RPS6KA2: variants seen among roughly 807,000 people sequenced by gnomAD.
RPS6KA2 encodes the protein ribosomal protein S6 kinase A2.
RPS6KA2 carries 42 observed loss-of-function variants against 91.8 expected under a neutral mutation model. The observed-to-expected ratio is 0.46, with a 90% confidence interval of 0.36 to 0.59. The LOEUF is 0.59. Ranked by LOEUF, RPS6KA2 falls within the 20% of genes least tolerant of loss-of-function variation. The pLI is 0.00. For missense variants in RPS6KA2, 798 were observed against 978.5 expected, an observed-to-expected ratio of 0.82 and a Z score of 2.46; for synonymous variants, 414 against 393.6, an observed-to-expected ratio of 1.05 and a Z score of -0.61.
At chr6:166,644,565 A>T (rs1787549963) in intron 2 of RPS6KA2, among the ~76,000 whole-genome samples, 1 of 152,236 alleles carries the variant, frequency 6.6e-6, no homozygotes, top group Non-Finnish European at 1.5e-5. Context: ...ATCTGACTTA[A>T]GTTGCGTGAA....
chr6:166,496,488 C>T (rs566941290), intron 8 of RPS6KA2, among the ~76,000 whole-genome samples: 3 of 152,138 alleles, frequency 2.0e-5, no homozygotes, highest in Admixed American at 6.5e-5. Context: ...CTCCCCCTGT[C>T]CCCCCAGAAA....
At chr6:166,558,253 G>A (rs1193930297) in intron 1 of RPS6KA2, among the ~76,000 whole-genome samples, 2 of 152,058 alleles carry the variant, frequency 1.3e-5, no homozygotes, top group Admixed American at 6.5e-5. Flanking sequence ...AAGAACTGAT[G>A]TTTTAGTTCA....
chr6:166,548,746 AG>A (rs1562572119), intron 1 of RPS6KA2, among the ~76,000 whole-genome samples: 1 of 152,242 alleles, frequency 6.6e-6, no homozygotes, highest in Non-Finnish European at 1.5e-5. Context: ...AAGAAAACAT[AG>A]GGGAAAATTG....
At chr6:166,829,733 C>T (rs1780135774) in intron 2 of RPS6KA2, among the ~76,000 whole-genome samples, 1 of 152,060 alleles carries the variant, frequency 6.6e-6, no homozygotes, top group African/African-American at 2.4e-5. Context: ...ATGGAAGCAA[C>T]CCAATGGTCC....
chr6:166,576,755 C>G (rs1784847289), intron 1 of RPS6KA2, among the ~76,000 whole-genome samples: 1 of 152,106 alleles, frequency 6.6e-6, no homozygotes, highest in Admixed American at 6.5e-5. Flanking sequence ...AAAGAAAAAC[C>G]CATTTTCTGA....
intron 2 of RPS6KA2, among the ~76,000 whole-genome samples, chr6:166,741,189 C>T (rs945046283): frequency 1.3e-5 from 2 of 152,164 alleles, no homozygotes; most frequent in African/African-American, 4.8e-5. Context: ...TTCTATGCAC[C>T]GTTTATACAC....
chr6:166,789,330 CAGGTTTGATT>C (rs1332724670), intron 2 of RPS6KA2, among the ~76,000 whole-genome samples: 1 of 152,228 alleles, frequency 6.6e-6, no homozygotes, highest in Non-Finnish European at 1.5e-5. Context: ...CGCCATTGCC[CAGGTTTGATT>C]AGGTAAACAA....
intron 16 of RPS6KA2, among the ~76,000 whole-genome samples, chr6:166,424,827 T>C (rs1211427935): frequency 6.6e-6 from 1 of 152,236 alleles, no homozygotes; most frequent in Non-Finnish European, 1.5e-5. Flanking sequence ...AAATTCTTAA[T>C]TTCTTTTGAT....
chr6:166,659,156 C>T (rs1474047882), intron 2 of RPS6KA2, among the ~76,000 whole-genome samples: 3 of 135,740 alleles, frequency 2.2e-5, no homozygotes, highest in Non-Finnish European at 4.8e-5. Flanking sequence ...CACTAATGAG[C>T]ATGAAGAAAA....
chr6:166,841,699 A>G (rs1017421654), intron 2 of RPS6KA2, among the ~76,000 whole-genome samples: 4 of 152,342 alleles, frequency 2.6e-5, no homozygotes, highest in Admixed American at 2.6e-4. Flanking sequence ...GCTAAGGAAA[A>G]GGTGAGAGGG....
intron 2 of RPS6KA2, among the ~76,000 whole-genome samples, chr6:166,690,702 G>A (rs1182616435): frequency 3.3e-5 from 5 of 151,852 alleles, no homozygotes; most frequent in Non-Finnish European, 5.9e-5. Flanking sequence ...GAGACTCCCT[G>A]GGTTGCACTC....
chr6:166,499,664 G>A (rs1781949029), intron 7 of RPS6KA2, among the ~76,000 whole-genome samples: 3 of 152,204 alleles, frequency 2.0e-5, no homozygotes, highest in Non-Finnish European at 4.4e-5. Flanking sequence ...CCATGATTGT[G>A]AGGCCTCCCC....
intron 2 of RPS6KA2, among the ~76,000 whole-genome samples, chr6:166,828,994 A>C (rs922667472): frequency 1.3e-5 from 2 of 152,234 alleles, no homozygotes; most frequent in Non-Finnish European, 2.9e-5. Flanking sequence ...AATAACAATA[A>C]AAAACCAAAT....
chr6:166,552,813 C>T (rs1784060816), intron 1 of RPS6KA2, among the ~76,000 whole-genome samples: 1 of 152,218 alleles, frequency 6.6e-6, no homozygotes, highest in Non-Finnish European at 1.5e-5. Context: ...ATTTCCTATG[C>T]ACAAAAACGA....
At chr6:166,641,875 AG>A (rs1213033220) in intron 2 of RPS6KA2, among the ~76,000 whole-genome samples, 1 of 151,750 alleles carries the variant, frequency 6.6e-6, no homozygotes, top group Admixed American at 6.6e-5. Flanking sequence ...GAAATATGAA[AG>A]GGGGGTTAGG....
At chr6:166,464,851 C>CG (rs1379243172) in intron 11 of RPS6KA2, among the ~76,000 whole-genome samples, 1 of 152,190 alleles carries the variant, frequency 6.6e-6, no homozygotes, top group Non-Finnish European at 1.5e-5. Context: ...GACGTTCACT[C>CG]GCTCATCTCT....
chr6:166,507,616 C>A (rs1348476411), intron 5 of RPS6KA2, among the ~76,000 whole-genome samples: 1 of 150,924 alleles, frequency 6.6e-6, no homozygotes, highest in South Asian at 2.1e-4. Flanking sequence ...ACAAAGCACA[C>A]CACACACCCC....
intron 2 of RPS6KA2, among the ~76,000 whole-genome samples, chr6:166,756,373 C>A (rs1258868073): frequency 6.6e-6 from 1 of 152,212 alleles, no homozygotes; most frequent in Non-Finnish European, 1.5e-5. Flanking sequence ...ATGGGTCTGT[C>A]AGTGATTTCT....
chr6:166,772,052 A>G (rs1778487641), intron 2 of RPS6KA2, among the ~76,000 whole-genome samples: 1 of 152,152 alleles, frequency 6.6e-6, no homozygotes, highest in Admixed American at 6.5e-5. Flanking sequence ...GTAATTAATA[A>G]CTGGCAAGAA....
Sources: allele counts gnomAD v4.1 joint callset (sites outside exome capture counted in the v4.1 genomes callset), GRCh38; gene constraint gnomAD v4.1.1; transcripts MANE v1.5; gene names NCBI Gene and HGNC (gene_info 2026-07-23, HGNC 2026-07-21).